CLUL1: variants seen among roughly 807,000 people sequenced by gnomAD.
CLUL1 encodes the protein clusterin like 1, also known as clusterin-like protein 1.
CLUL1 carries 43 observed loss-of-function variants against 49.4 expected under a neutral mutation model. The observed-to-expected ratio is 0.87, with a 90% confidence interval of 0.68 to 1.12. The LOEUF is 1.12. Among genes scored for constraint, CLUL1 ranks in the 50% most tolerant of loss-of-function variants. CLUL1 has a pLI of 0.00. For synonymous variants in CLUL1, 192 were observed against 184.9 expected, an observed-to-expected ratio of 1.04 and a Z score of -0.31; for missense variants, 486 against 544.4, an observed-to-expected ratio of 0.89 and a Z score of 1.07.
chr18:612,827 A>G (rs9967478), intron 2 of CLUL1: 17 of 153,692 alleles, frequency 1.1e-4, no homozygotes, highest in Middle Eastern at 3.3e-3. Flanking sequence ...TCTCCGGTGC[A>G]GAATGTAATG....
At chr18:643,135 AAATAG>A (rs1217060120) in intron 8 of CLUL1, among the ~76,000 whole-genome samples, 3 of 152,370 alleles carry the variant, frequency 2.0e-5, no homozygotes, top group East Asian at 1.9e-4. Context: ...ACCATACAAA[AAATAG>A]AATAGGACAA....
intron 9 of CLUL1, among the ~76,000 whole-genome samples, chr18:645,804 AAAAAAAATATATATATATATAT>A (rs2074470163): frequency 2.1e-5 from 1 of 48,670 alleles, no homozygotes; most frequent in African/African-American, 8.7e-5. Flanking sequence ...AAAAAAAAAA[AAAAAAAATATATATATATATAT>A]ATATATATAT....
intron 4 of CLUL1, among the ~76,000 whole-genome samples, chr18:622,226 AC>A (rs2073510002): frequency 6.6e-6 from 1 of 151,774 alleles, no homozygotes; most frequent in Admixed American, 6.6e-5. Flanking sequence ...CCCTTCCTCC[AC>A]CCCTCCTTAT....
chr18:604,227 T>A (rs1041071866), intron 1 of CLUL1, among the ~76,000 whole-genome samples: 2 of 152,238 alleles, frequency 1.3e-5, no homozygotes, highest in Non-Finnish European at 2.9e-5. Flanking sequence ...GTTGTGTGTA[T>A]CAATACTTCA....
At chr18:620,751 A>G (rs892264092) in intron 4 of CLUL1, among the ~76,000 whole-genome samples, 2 of 152,214 alleles carry the variant, frequency 1.3e-5, no homozygotes, top group African/African-American at 4.8e-5. Context: ...TGGAAGATGT[A>G]AAAAATTGTT....
At chr18:634,841 T>C (rs1567972931) in intron 7 of CLUL1, among the ~76,000 whole-genome samples, 2 of 152,102 alleles carry the variant, frequency 1.3e-5, no homozygotes, top group African/African-American at 4.8e-5. Flanking sequence ...CCTCATTCCC[T>C]TTCCCTTCTC....
intron 2 of CLUL1, chr18:616,811 A>T: frequency 3.0e-6 from 1 of 336,438 alleles, no homozygotes. Context: ...TAGAGTAATG[A>T]TAGAAGAAGA....
intron 2 of CLUL1, chr18:616,709 A>C: frequency 1.0e-6 from 1 of 983,842 alleles, no homozygotes; most frequent in African/African-American, 1.7e-5. Flanking sequence ...GAGAAAAACG[A>C]AGGTCCTTCC....
chr18:628,931 C>G (rs901881942), intron 6 of CLUL1, among the ~76,000 whole-genome samples: 7 of 148,130 alleles, frequency 4.7e-5, no homozygotes, highest in Non-Finnish European at 3.1e-5. Flanking sequence ...CCACACCCAG[C>G]CAGCCACCAC....
chr18:615,314 A>T (rs140182713), intron 2 of CLUL1, among the ~76,000 whole-genome samples: 1 of 152,346 alleles, frequency 6.6e-6, no homozygotes, highest in East Asian at 1.9e-4. Context: ...TTAGCAATAA[A>T]GTTCTGTTCT....
Position 641,402 on chromosome 18 carries a change from A to G in CLUL1, c.1070A>G (p.Tyr357Cys). The change falls in exon 8 of 10, where the codon TAT becomes TGT. Residue 357 changes from tyrosine (Y) to cysteine (C), a missense_variant. Coordinates refer to ENST00000692774, the MANE Select transcript of CLUL1 (RefSeq NM_001393344.1). ...TTGGTCAATGTATCCAATCAGCAGT[A>G]TGGCCAGATTCTCCAGATGACCCGG... ...IRLVNVSNQQ[Y>C]GQILQMTRKH... 1.2e-6 allele frequency: 2 copies of G among 1,614,178 alleles called. No individual in the cohort carries two copies. The highest frequency in any genetic ancestry group is 1.7e-5 in the Admixed American group (1 of 60,018).
At chr18:626,439 C>G (rs758236396) in intron 5 of CLUL1, among the ~76,000 whole-genome samples, 4 of 152,018 alleles carry the variant, frequency 2.6e-5, no homozygotes, top group African/African-American at 7.2e-5. Context: ...TTTCCATAGG[C>G]AAAGGCAAAG....
intron 1 of CLUL1, chr18:597,789 T>G (rs930431981): frequency 1.3e-5 from 2 of 152,178 alleles, no homozygotes; most frequent in African/African-American, 4.8e-5. Flanking sequence ...CTCATACAGT[T>G]TATGGAATTA....
At chr18:632,977 C>T (rs1456923675) in intron 6 of CLUL1, among the ~76,000 whole-genome samples, 3 of 151,954 alleles carry the variant, frequency 2.0e-5, no homozygotes, top group East Asian at 3.9e-4. Flanking sequence ...GACAACATGG[C>T]GCAACCCCAT....
chr18:605,968 G>C (rs1396470612), intron 1 of CLUL1, among the ~76,000 whole-genome samples: 1 of 152,160 alleles, frequency 6.6e-6, no homozygotes, highest in African/African-American at 2.4e-5. Context: ...CCCAGCCCCA[G>C]TGTAGTCGTT....
At chr18:649,468 C>G (rs765884307) in intron 9 of CLUL1, among the ~76,000 whole-genome samples, 2 of 152,160 alleles carry the variant, frequency 1.3e-5, no homozygotes, top group Non-Finnish European at 2.9e-5. Context: ...CAGGCTGTAA[C>G]ACAATATCTT....
intron 4 of CLUL1, 130 bp downstream of exon 4, chr18:619,491 G>A (rs2073420963): frequency 7.7e-6 from 7 of 914,114 alleles, no homozygotes; most frequent in Non-Finnish European, 1.1e-5. Flanking sequence ...TTTATTTGAG[G>A]AAAAGTTTAA....
chr18:620,063 C>T (rs183937590), intron 4 of CLUL1, among the ~76,000 whole-genome samples: 3 of 152,230 alleles, frequency 2.0e-5, no homozygotes, highest in Admixed American at 6.5e-5. Context: ...ACCACTCACT[C>T]CTAAATATAT....
chr18:649,879 CTTTTTT>C lies in CLUL1; in HGVS notation c.1398-9_1398-4del. On this transcript the variant is annotated splice_polypyrimidine_tract_variant and intron_variant, in intron 9 of 9. Transcript: ENST00000692774. ...TTATTAGTATTTTGATCATTGCTGC[CTTTTTT>C]TTTTTTTTTAAGGTAAGAAGATCTA... is the stretch of plus-strand genomic sequence containing the variant. The C allele has an allele frequency of 8.7e-7, 1 of 1,154,720 alleles. No individual in the cohort carries two copies. The allele number at this position is 1,154,720 out of a possible 1,614,324, so 71.5% of individuals were successfully genotyped here.
Sources: gnomAD v4.1 joint callset for allele counts (sites outside exome capture counted in the v4.1 genomes callset) on GRCh38, gnomAD v4.1.1 for gene constraint, MANE v1.5 for transcripts, NCBI Gene and HGNC (gene_info 2026-07-23, HGNC 2026-07-21) for gene names.